MACROD2: variants seen among roughly 807,000 people sequenced by gnomAD.
MACROD2 encodes ADP-ribose glycohydrolase MACROD2.
MACROD2 carries 36 observed loss-of-function variants against 70.4 expected under a neutral mutation model. The ratio of observed to expected loss-of-function variants is 0.51; its 90% CI spans 0.39 to 0.68. The LOEUF is 0.68. Ranked by LOEUF, MACROD2 falls within the 30% of genes least tolerant of loss-of-function variation. The pLI is 0.00. For missense variants in MACROD2, 496 were observed against 538.4 expected, an observed-to-expected ratio of 0.92 and a Z score of 0.78; for synonymous variants, 172 against 178.8, an observed-to-expected ratio of 0.96 and a Z score of 0.30.
At chr20:15,899,270 CTT>C (rs1405242561) in intron 10 of MACROD2, among the ~76,000 whole-genome samples, 1 of 151,620 alleles carries the variant, frequency 6.6e-6, no homozygotes, top group Non-Finnish European at 1.5e-5. Flanking sequence ...ATATATGTAT[CTT>C]TACATACATA....
rs2065781191 is a variant in MACROD2, at chr20:15,943,669, GAGA to G, written c.907+6128_907+6130del. Among the ~76,000 whole-genome samples the G allele has an allele frequency of 1.3e-5, 2 of 152,122 alleles. 1 individual carries two copies. Among genetic ancestry groups the G allele is most frequent in the South Asian group, 4.1e-4 (2 of 4,830 alleles). Reference sequence around the variant, plus strand: ...TCTCAAAAGGGTCACCTGAGACTCAGAGAAGGAGAGAGGAAAAGGGTGTGTGTG... The same window carrying G: ...TCTCAAAAGGGTCACCTGAGACTCAGAGGAGAGAGGAAAAGGGTGTGTGTG... On this transcript the variant is annotated intron_variant, in intron 12 of 17. Transcript: ENST00000684519.
At chr20:15,728,291 G>A (rs906347798) in intron 8 of MACROD2, among the ~76,000 whole-genome samples, 3 of 152,130 alleles carry the variant, frequency 2.0e-5, no homozygotes, top group African/African-American at 7.2e-5. Flanking sequence ...TATGCTACTG[G>A]ATTCAGTTTG....
chr20:15,168,486 TG>T (rs2076401445), intron 5 of MACROD2, among the ~76,000 whole-genome samples: 1 of 139,028 alleles, frequency 7.2e-6, no homozygotes, highest in Admixed American at 7.3e-5. Context: ...TGTGTGTGTG[TG>T]TGTTGACATG....
intron 3 of MACROD2, among the ~76,000 whole-genome samples, chr20:14,458,707 C>G (rs1185907713): frequency 1.3e-5 from 2 of 151,578 alleles, no homozygotes; most frequent in Admixed American, 1.3e-4. Context: ...CAACATACTA[C>G]TAAATATAAA....
chr20:15,480,431 A>G (rs910158892), intron 7 of MACROD2, among the ~76,000 whole-genome samples: 16 of 152,314 alleles, frequency 1.1e-4, no homozygotes, highest in African/African-American at 3.6e-4. Flanking sequence ...TTTAGGAACT[A>G]GGTCTAAAGT....
intron 13 of MACROD2, among the ~76,000 whole-genome samples, chr20:15,985,533 A>G (rs536265129): frequency 1.3e-5 from 2 of 152,336 alleles, no homozygotes; most frequent in Non-Finnish European, 2.9e-5. Context: ...TCCAAGTGCC[A>G]GTTCCTTCCC....
chr20:15,783,095 C>T (rs943830013), intron 8 of MACROD2, among the ~76,000 whole-genome samples: 4 of 152,064 alleles, frequency 2.6e-5, no homozygotes, highest in Admixed American at 6.5e-5. Flanking sequence ...ACTGGTTATG[C>T]ATATGTATGC....
intron 8 of MACROD2, among the ~76,000 whole-genome samples, chr20:15,790,445 T>A (rs547157052): frequency 6.6e-6 from 1 of 151,854 alleles, no homozygotes; most frequent in Non-Finnish European, 1.5e-5. Flanking sequence ...GAGACAAAAA[T>A]TATTGTTAGT....
At chr20:14,757,683 A>C (rs1600632456) in intron 5 of MACROD2, 1 of 1,415,466 alleles carries the variant, frequency 7.1e-7, no homozygotes, top group Non-Finnish European at 1.0e-6. Context: ...AATGTGTCCA[A>C]CCTTCCTGTC....
At chr20:14,946,862 A>G (rs936703683) in intron 5 of MACROD2, among the ~76,000 whole-genome samples, 2 of 152,114 alleles carry the variant, frequency 1.3e-5, no homozygotes, top group Non-Finnish European at 2.9e-5. Flanking sequence ...AGTAGATTCA[A>G]TTTTGTATTC....
chr20:15,766,812 A>G (rs774005419), intron 8 of MACROD2, among the ~76,000 whole-genome samples: 25 of 152,304 alleles, frequency 1.6e-4, no homozygotes, highest in Non-Finnish European at 2.8e-4. Flanking sequence ...AAAAACAGAC[A>G]TCTATTATAT....
intron 10 of MACROD2, among the ~76,000 whole-genome samples, chr20:15,892,619 A>T (rs932507789): frequency 6.6e-6 from 1 of 152,252 alleles, no homozygotes; most frequent in Non-Finnish European, 1.5e-5. Flanking sequence ...AGGAAAAAAT[A>T]TTAACAGGGT....
At chr20:15,484,959 C>T (rs116298652) in intron 7 of MACROD2, among the ~76,000 whole-genome samples, 3,332 of 152,256 alleles carry the variant, frequency 0.022, 128 homozygotes, top group African/African-American at 0.073. Context: ...GCAGTTTGCT[C>T]TGTGACCTCA....
At chr20:15,729,577 G>C (rs951930094) in intron 8 of MACROD2, among the ~76,000 whole-genome samples, 1 of 152,132 alleles carries the variant, frequency 6.6e-6, no homozygotes, top group Non-Finnish European at 1.5e-5. Context: ...CCTGTGTTGA[G>C]TGCATATATA....
At chr20:14,827,576 T>C (rs933766268) in intron 5 of MACROD2, among the ~76,000 whole-genome samples, 1 of 152,056 alleles carries the variant, frequency 6.6e-6, no homozygotes, top group Non-Finnish European at 1.5e-5. Flanking sequence ...CCCAGTTATA[T>C]AAAAGAAGTT....
At position 15,137,954 on chromosome 20, in the gene MACROD2, A is replaced by C. The variant is rs115029420; in HGVS notation, c.419-91986A>C. 7.7e-3 allele frequency among the ~76,000 whole-genome samples: 1,166 copies of C among 152,216 alleles called. 18 individuals are homozygous for C. Among genetic ancestry groups the C allele is most frequent in the African/African-American group, 0.027 (1,113 of 41,544 alleles). On this transcript the variant is annotated intron_variant, in intron 5 of 17. Transcript: ENST00000684519. ...TGTTCCAGTTATCTAATCCTTCCACATATCAGCTGAAGTTTTCTAAGCAGT... is the reference window on the plus strand; with the variant it reads ...TGTTCCAGTTATCTAATCCTTCCACCTATCAGCTGAAGTTTTCTAAGCAGT...
At chr20:14,713,031 A>C (rs1368600346) in intron 5 of MACROD2, among the ~76,000 whole-genome samples, 1 of 152,176 alleles carries the variant, frequency 6.6e-6, no homozygotes, top group African/African-American at 2.4e-5. Flanking sequence ...AAAAGAAAAA[A>C]GATAATGGAT....
At chr20:15,055,235 C>T (rs2075475149) in intron 5 of MACROD2, among the ~76,000 whole-genome samples, 1 of 152,122 alleles carries the variant, frequency 6.6e-6, no homozygotes. Context: ...TAGGCATGAG[C>T]CACCACACCT....
intron 5 of MACROD2, among the ~76,000 whole-genome samples, chr20:14,776,222 G>A (rs1298222293): frequency 1.3e-5 from 2 of 152,022 alleles, no homozygotes; most frequent in Non-Finnish European, 2.9e-5. Flanking sequence ...CAAAGAGTGG[G>A]TTTGGGGTTT....
Sources: allele counts gnomAD v4.1 joint callset (sites outside exome capture counted in the v4.1 genomes callset), GRCh38; gene constraint gnomAD v4.1.1; transcripts MANE v1.5; gene names NCBI Gene and HGNC (gene_info 2026-07-23, HGNC 2026-07-21).